Variants in FBXO36 observed in about 807,000 individuals in gnomAD.
The protein encoded by FBXO36 is F-box protein 36, also known as F-box only protein 36.
A neutral mutation model predicts 17.0 loss-of-function variants in FBXO36; 18 were observed. The ratio of observed to expected loss-of-function variants is 1.06; its 90% CI spans 0.73 to 1.57. FBXO36 has a LOEUF of 1.57. Ranked by LOEUF, FBXO36 falls within the 40% of genes most tolerant of loss-of-function variation. FBXO36 has a pLI of 0.00. For synonymous variants in FBXO36, 83 were observed against 85.3 expected (o/e 0.97, Z 0.15); for missense variants, 229 against 221.9 (o/e 1.03, Z -0.20).
intron 1 of FBXO36, among the ~76,000 whole-genome samples, chr2:229,942,138 C>T (rs1430093765): frequency 6.6e-6 from 1 of 152,090 alleles, no homozygotes; most frequent in Non-Finnish European, 1.5e-5. Context: ...TAGGAGGTTT[C>T]TTTAAAGGGA....
At chr2:229,966,956 A>C (rs1028124734) in intron 1 of FBXO36, among the ~76,000 whole-genome samples, 2 of 152,164 alleles carry the variant, frequency 1.3e-5, no homozygotes, top group African/African-American at 4.8e-5. Flanking sequence ...CATTGAATCT[A>C]TAAATTACCT....
chr2:230,006,361 G>T (rs2077387045), intron 3 of FBXO36, among the ~76,000 whole-genome samples: 1 of 152,092 alleles, frequency 6.6e-6, no homozygotes, highest in African/African-American at 2.4e-5. Flanking sequence ...CTCCCAAAGT[G>T]CTGGGATTAC....
intron 3 of FBXO36, among the ~76,000 whole-genome samples, chr2:230,003,724 G>A (rs2077372257): frequency 1.3e-5 from 2 of 152,148 alleles, no homozygotes; most frequent in African/African-American, 4.8e-5. Flanking sequence ...AGTAGAGACA[G>A]GGTTTCGCCA....
At chr2:229,949,003 T>G (rs2106170159) in intron 1 of FBXO36, among the ~76,000 whole-genome samples, 1 of 152,206 alleles carries the variant, frequency 6.6e-6, no homozygotes, top group East Asian at 1.9e-4. Flanking sequence ...CCGGCTAATT[T>G]TTGTATTTTT....
intron 1 of FBXO36, among the ~76,000 whole-genome samples, chr2:229,962,504 TTTTA>T (rs1346250473): frequency 8.4e-5 from 7 of 83,792 alleles, no homozygotes; most frequent in Non-Finnish European, 1.7e-4. Context: ...TTGATTTTTA[TTTTA>T]TTTTATTTTA....
intron 1 of FBXO36, among the ~76,000 whole-genome samples, chr2:229,962,023 A>G (rs982714540): frequency 7.9e-5 from 12 of 152,062 alleles, no homozygotes; most frequent in Non-Finnish European, 1.5e-4. Context: ...TCTACAAAAA[A>G]CACACAAAAA....
intron 3 of FBXO36, among the ~76,000 whole-genome samples, chr2:230,003,867 A>G (rs913849903): frequency 1.3e-5 from 2 of 152,182 alleles, no homozygotes; most frequent in African/African-American, 2.4e-5. Flanking sequence ...CTCTGCTTCC[A>G]GGACTCTGGT....
At position 229,922,518 on chromosome 2, in the gene FBXO36, C is replaced by G; in HGVS notation, c.5C>G (p.Ala2Gly). M[A>G]SWLPETLFET... The stretch of plus-strand genomic sequence containing the variant: ...CGACGGCGGTGGCGTCCCAAGATGG[C>G]GTCGTGGCTGCCGGAGACTCTCTTT... Residue 2 changes from alanine (A) to glycine (G), a missense_variant, in exon 1 of 4, where the codon GCG becomes GGG. Ala to Gly is a moderately conservative substitution (Grantham distance 60). Coordinates refer to ENST00000283946, the MANE Select transcript of FBXO36 (RefSeq NM_174899.5). The G allele has an allele frequency of 6.2e-7, 1 of 1,613,878 alleles. No individual in the cohort carries two copies. The highest frequency in any genetic ancestry group is 8.5e-7 in the Non-Finnish European group (1 of 1,179,932).
chr2:229,967,151 C>T (rs1004090997), intron 1 of FBXO36, among the ~76,000 whole-genome samples: 3 of 152,234 alleles, frequency 2.0e-5, no homozygotes, highest in East Asian at 1.9e-4. Flanking sequence ...TGTGAATGGG[C>T]GTTCACCCAT....
At chr2:229,962,849 G>C (rs1314739103) in intron 1 of FBXO36, among the ~76,000 whole-genome samples, 1 of 151,314 alleles carries the variant, frequency 6.6e-6, no homozygotes. Flanking sequence ...GGCTAATTTT[G>C]TATTTTTAGT....
Position 229,930,880 on chromosome 2 carries a change from C to G in FBXO36, c.96+8271C>G, listed in dbSNP as rs1490179883. Reference sequence around the variant, plus strand: ...CCTCCTGCTGTCATTTACCCCCTCACTGCTCCTCCTGATGGCAGCAAGTGC... The same window carrying G: ...CCTCCTGCTGTCATTTACCCCCTCAGTGCTCCTCCTGATGGCAGCAAGTGC... On this transcript the variant is annotated intron_variant, in intron 1 of 3. Transcript: ENST00000283946. 2.6e-5 allele frequency among the ~76,000 whole-genome samples: 4 copies of G among 152,324 alleles called. No homozygotes were observed. The South Asian group carries it at 6.2e-4, about 24-fold the overall frequency.
intron 1 of FBXO36, among the ~76,000 whole-genome samples, chr2:229,969,298 C>T (rs2077169117): frequency 6.6e-6 from 1 of 151,008 alleles, no homozygotes; most frequent in Non-Finnish European, 1.5e-5. Flanking sequence ...CTCACTGTAA[C>T]CTTGACTTCC....
chr2:229,946,213 A>G (rs1234827375), intron 1 of FBXO36, among the ~76,000 whole-genome samples: 1 of 152,144 alleles, frequency 6.6e-6, no homozygotes, highest in Non-Finnish European at 1.5e-5. Context: ...GTCTTGATGC[A>G]CTGCTGTGTT....
chr2:229,992,968 C>T (rs2077305458), intron 2 of FBXO36, among the ~76,000 whole-genome samples: 1 of 152,140 alleles, frequency 6.6e-6, no homozygotes, highest in African/African-American at 2.4e-5. Context: ...GGACTAAACT[C>T]TGATTTTTTT....
intron 2 of FBXO36, among the ~76,000 whole-genome samples, chr2:229,982,671 G>A (rs2077246700): frequency 4.6e-5 from 7 of 151,430 alleles, no homozygotes; most frequent in Admixed American, 4.6e-4. Flanking sequence ...GCCAGGCATG[G>A]TGGTGGGCAC....
At chr2:229,956,594 C>T (rs538775609) in intron 1 of FBXO36, among the ~76,000 whole-genome samples, 14 of 152,146 alleles carry the variant, frequency 9.2e-5, no homozygotes, top group South Asian at 2.1e-4. Context: ...AAAGTCTGTC[C>T]GGATATTTGA....
At position 229,963,506 on chromosome 2, in the gene FBXO36, G is replaced by A. The variant is rs1219344536; in HGVS notation, c.97-12735G>A. ...GTCGCCCAGGCTGGAGTGCAGTGGCGTGATCTCAGCTCACGGCAAGCTCCG... is the reference window on the plus strand; with the variant it reads ...GTCGCCCAGGCTGGAGTGCAGTGGCATGATCTCAGCTCACGGCAAGCTCCG... On this transcript the variant is annotated intron_variant, in intron 1 of 3. Transcript: ENST00000283946. 7.4e-5 allele frequency among the ~76,000 whole-genome samples: 11 copies of A among 148,202 alleles called. No homozygotes were observed. The East Asian group carries it at 1.6e-3, about 21-fold the overall frequency.
chr2:229,996,256 C>T (rs931459954), intron 2 of FBXO36, among the ~76,000 whole-genome samples: 20 of 150,502 alleles, frequency 1.3e-4, no homozygotes, highest in African/African-American at 2.2e-4. Context: ...CCAGCCTGGG[C>T]GACCCCATCT....
At chr2:229,958,855 G>A (rs1355611217) in intron 1 of FBXO36, among the ~76,000 whole-genome samples, 1 of 152,210 alleles carries the variant, frequency 6.6e-6, no homozygotes, top group Non-Finnish European at 1.5e-5. Context: ...CTGGTACTGT[G>A]CTAGGCATGT....
Sources: allele counts gnomAD v4.1 joint callset (sites outside exome capture counted in the v4.1 genomes callset), GRCh38; gene constraint gnomAD v4.1.1; transcripts MANE v1.5; gene names NCBI Gene and HGNC (gene_info 2026-07-23, HGNC 2026-07-21).